OMA1: variants seen among roughly 807,000 people sequenced by gnomAD.
OMA1 encodes the protein OMA1 zinc metallopeptidase.
OMA1 carries 38 observed loss-of-function variants against 30.9 expected under a neutral mutation model. That is an observed-to-expected ratio of 1.23 (90% confidence interval 0.95 to 1.61). OMA1 has a LOEUF of 1.61. Among genes scored for constraint, OMA1 ranks in the 40% most tolerant of loss-of-function variants. The probability of loss-of-function intolerance (pLI) is 0.00; values close to 1 mark genes in which losing one functional copy is unlikely to be tolerated. For missense variants in OMA1, 461 were observed against 349.2 expected (o/e 1.32, Z -2.55); for synonymous variants, 173 against 121.9 (o/e 1.42, Z -2.76).
At chr1:58,518,550 T>C (rs1318721872) in intron 7 of OMA1, among the ~76,000 whole-genome samples, 2 of 151,586 alleles carry the variant, frequency 1.3e-5, no homozygotes, top group Non-Finnish European at 2.9e-5. Flanking sequence ...GATGGGAACA[T>C]ACTGAGATAT....
intron 7 of OMA1, among the ~76,000 whole-genome samples, chr1:58,510,800 CAA>C (rs1189739492): frequency 6.6e-6 from 1 of 151,800 alleles, no homozygotes; most frequent in Admixed American, 6.6e-5. Flanking sequence ...AATCAGCATA[CAA>C]AAGTCAGTTA....
At position 58,496,396 on chromosome 1, in the gene OMA1, C is replaced by G. The variant is rs147317822; in HGVS notation, c.1365+9664G>C. ...TCTGTCACTTTCAGTGCAGTTAAAT[C>G]AACCTTATCATGCCAGCTTCAGGTG... On this transcript the variant is annotated intron_variant, in intron 8 of 8. Coordinates refer to ENST00000371226, the MANE Select transcript of OMA1 (RefSeq NM_145243.5). 2.6e-3 allele frequency among the ~76,000 whole-genome samples: 400 copies of G among 152,312 alleles called. 10 individuals are homozygous for G. The East Asian group carries it at 0.05, about 19-fold the overall frequency.
chr1:58,486,830 A>G (rs548861209), intron 8 of OMA1, among the ~76,000 whole-genome samples: 3 of 152,200 alleles, frequency 2.0e-5, no homozygotes, highest in Non-Finnish European at 4.4e-5. Context: ...GAAGAGCTGT[A>G]AGGAGGACAC....
intron 8 of OMA1, among the ~76,000 whole-genome samples, chr1:58,495,934 T>C (rs977927149): frequency 2.0e-5 from 3 of 152,186 alleles, no homozygotes; most frequent in African/African-American, 7.2e-5. Flanking sequence ...GTCTTTGCAA[T>C]GAAGATTAAA....
chr1:58,503,212 G>A (rs922597375), intron 8 of OMA1, among the ~76,000 whole-genome samples: 2 of 152,080 alleles, frequency 1.3e-5, no homozygotes, highest in African/African-American at 4.8e-5. Flanking sequence ...AAATTCAAGA[G>A]AAAATCATAT....
intron 8 of OMA1, among the ~76,000 whole-genome samples, chr1:58,486,947 C>T (rs1042335564): frequency 1.3e-5 from 2 of 152,168 alleles, no homozygotes; most frequent in Non-Finnish European, 2.9e-5. Context: ...GGCCAAATTA[C>T]GTGCCTGGAA....
chr1:58,518,277 GGAGAA>G (rs1278778501), intron 7 of OMA1, among the ~76,000 whole-genome samples: 15 of 2,404 alleles, frequency 6.2e-3, no homozygotes, highest in African/African-American at 0.025. Flanking sequence ...AGAGAGGAGA[GGAGAA>G]GAGAAGAGAA....
At chr1:58,528,059 CAT>C (rs1319141513) in intron 6 of OMA1, among the ~76,000 whole-genome samples, 6 of 152,228 alleles carry the variant, frequency 3.9e-5, no homozygotes, top group African/African-American at 7.2e-5. Flanking sequence ...AAGGTAGCCA[CAT>C]GTCTGTGATG....
chr1:58,539,065 T>C lies in OMA1; in HGVS notation c.230A>G (p.Lys77Arg), dbSNP rs1263280649. Residue 77 changes from lysine to arginine, a missense_variant, in exon 2 of 9, where the codon AAA (lysine) becomes AGA (arginine). Coordinates refer to ENST00000371226, the MANE Select transcript of OMA1 (RefSeq NM_145243.5). ...GGTACTTGAGAGGCCTCCTGTTCTT[T>C]TGTTGTTAAAAGTACTATAAAAATG... ...NFHFYSTFNN[K>R]RTGGLSSTKS... is the part of the protein sequence containing the mutation. 1 of 872,834 alleles carries C rather than the reference T, an allele frequency of 1.1e-6. No individual in the cohort carries two copies. Among genetic ancestry groups the C allele is most frequent in the Admixed American group, 1.7e-5 (1 of 59,166 alleles). 54.1% of individuals were successfully genotyped at this position (872,834 alleles called of 1,614,324 possible).
chr1:58,515,481 A>G (rs1036825475), intron 7 of OMA1, among the ~76,000 whole-genome samples: 3 of 152,194 alleles, frequency 2.0e-5, no homozygotes, highest in Admixed American at 6.5e-5. Flanking sequence ...AAGTTTTATC[A>G]TAAGACTCAA....
intron 8 of OMA1, among the ~76,000 whole-genome samples, chr1:58,484,665 A>G (rs1231497876): frequency 6.6e-6 from 1 of 152,212 alleles, no homozygotes; most frequent in Non-Finnish European, 1.5e-5. Flanking sequence ...GGAAATAACC[A>G]AGATTTCCTT....
chr1:58,535,328 C>T (rs765166603), intron 3 of OMA1, among the ~76,000 whole-genome samples: 8 of 152,112 alleles, frequency 5.3e-5, no homozygotes, highest in Non-Finnish European at 7.4e-5. Context: ...AGCGGCTGGG[C>T]ATGGTGGCTC....
intron 8 of OMA1, among the ~76,000 whole-genome samples, chr1:58,504,284 C>G (rs1213441703): frequency 6.6e-6 from 1 of 152,168 alleles, no homozygotes; most frequent in Non-Finnish European, 1.5e-5. Context: ...TCCATTCAGC[C>G]CCAATGTCTT....
intron 7 of OMA1, among the ~76,000 whole-genome samples, chr1:58,515,859 T>C (rs1245735760): frequency 2.6e-5 from 4 of 152,234 alleles, no homozygotes; most frequent in Non-Finnish European, 5.9e-5. Flanking sequence ...TAGATTAAAT[T>C]AGCTCCAATT....
chr1:58,531,457 T>C (rs1186047143), intron 5 of OMA1, among the ~76,000 whole-genome samples: 2 of 152,204 alleles, frequency 1.3e-5, no homozygotes, highest in African/African-American at 4.8e-5. Context: ...AGTAGTAATA[T>C]CTAAGTTTAA....
intron 1 of OMA1, among the ~76,000 whole-genome samples, chr1:58,543,092 ACCTC>A (rs1646647186): frequency 6.6e-6 from 1 of 151,666 alleles, no homozygotes; most frequent in Non-Finnish European, 1.5e-5. Flanking sequence ...AGAGAATAAG[ACCTC>A]CCTGATTCCC....
Position 58,480,865 on chromosome 1 carries a change from TC to T in OMA1, c.*99del. ...AATGTACATGATTTGACCCTGAATA[TC>T]CTTTTTTTTTTCACTTCAAACATCA... On this transcript the variant is annotated 3_prime_UTR_variant, in exon 9 of 9. Transcript: ENST00000371226. 3 of 673,528 alleles carry T rather than the reference TC, an allele frequency of 4.5e-6. No homozygotes were observed. The highest frequency in any genetic ancestry group is 7.4e-6 in the Non-Finnish European group (3 of 403,230). The allele number at this position is 673,528 out of a possible 1,614,324, so 41.7% of individuals were successfully genotyped here.
intron 1 of OMA1, among the ~76,000 whole-genome samples, chr1:58,541,097 G>C (rs987674476): frequency 1.5e-5 from 1 of 64,856 alleles, no homozygotes; most frequent in Non-Finnish European, 3.4e-5. Flanking sequence ...ATCATTTGAG[G>C]TCAGGCATTC....
intron 8 of OMA1, among the ~76,000 whole-genome samples, chr1:58,483,438 G>A (rs1645523295): frequency 6.6e-6 from 1 of 152,158 alleles, no homozygotes; most frequent in African/African-American, 2.4e-5. Context: ...CTTGGGTCTA[G>A]GAGCACTTCT....
Sources: gnomAD v4.1 joint callset for allele counts (sites outside exome capture counted in the v4.1 genomes callset) on GRCh38, gnomAD v4.1.1 for gene constraint, MANE v1.5 for transcripts, NCBI Gene and HGNC (gene_info 2026-07-23, HGNC 2026-07-21) for gene names.